SCARB1: variants seen among roughly 807,000 people sequenced by gnomAD.
The protein encoded by SCARB1 is CD36 and LIMPII analogous 1.
In SCARB1, 30 loss-of-function variants were observed where a neutral mutation model predicts 57.2. The observed-to-expected ratio is 0.52, with a 90% CI of 0.39 to 0.71. SCARB1 has a LOEUF of 0.71. Among genes scored for constraint, SCARB1 ranks in the 30% least tolerant of loss-of-function variants. SCARB1 has a pLI of 0.00. For synonymous variants in SCARB1, 249 were observed against 268.3 expected (o/e 0.93, Z 0.70); for missense variants, 543 against 671.2 (o/e 0.81, Z 2.11).
intron 1 of SCARB1, among the ~76,000 whole-genome samples, chr12:124,863,245 G>A (rs1377466804): frequency 3.9e-5 from 6 of 152,210 alleles, no homozygotes; most frequent in South Asian, 4.1e-4. Context: ...CCTTCGGGCG[G>A]CACCACGGAA....
In SCARB1 at chr12:124,810,118, G is replaced by A. The variant is rs1403233517; in HGVS notation, c.842+56C>T. 1 of 1,121,644 alleles carries A rather than the reference G, an allele frequency of 8.9e-7. No individual in the cohort carries two copies. The highest frequency in any genetic ancestry group is 1.5e-5 in the African/African-American group (1 of 65,478). The allele number at this position is 1,121,644 out of a possible 1,614,324, so 69.5% of individuals were successfully genotyped here. ...TTCCAAGTGCACAGCCAACACCACA[G>A]AATTTGGCCATGAGCTACCCAGGAA... On this transcript the variant is annotated intron_variant, in intron 6 of 12. Transcript: ENST00000261693. The surrounding 1 kb of genome is among the most constrained non-coding windows in gnomAD (Gnocchi z 4.0).
At chr12:124,859,008 A>G (rs1400624045) in intron 1 of SCARB1, among the ~76,000 whole-genome samples, 1 of 151,974 alleles carries the variant, frequency 6.6e-6, no homozygotes, top group Non-Finnish European at 1.5e-5. Flanking sequence ...TCAAGTAGCT[A>G]GGACTATAGG....
intron 1 of SCARB1, among the ~76,000 whole-genome samples, chr12:124,827,434 T>C (rs905733329): frequency 2.6e-5 from 4 of 152,140 alleles, no homozygotes; most frequent in Non-Finnish European, 5.9e-5. Context: ...ATTATTATTA[T>C]TTTAACCACC....
At chr12:124,827,509 T>G (rs185338260) in intron 1 of SCARB1, among the ~76,000 whole-genome samples, 1 of 152,126 alleles carries the variant, frequency 6.6e-6, no homozygotes, top group Non-Finnish European at 1.5e-5. Context: ...TTCCATCTTT[T>G]TGCTTTCTCC....
intron 8 of SCARB1, among the ~76,000 whole-genome samples, chr12:124,795,910 T>C (rs1385956334): frequency 6.6e-6 from 1 of 152,246 alleles, no homozygotes; most frequent in East Asian, 1.9e-4. Context: ...TTGTCTTCTT[T>C]TTTTGGAGAA....
intron 1 of SCARB1, among the ~76,000 whole-genome samples, chr12:124,843,299 G>GT (rs60376757): frequency 6.3e-5 from 9 of 143,264 alleles, no homozygotes; most frequent in African/African-American, 7.8e-5. Context: ...ATGGGGGGGG[G>GT]GGTCTTACTA....
Position 124,803,743 on chromosome 12 carries a change from G to T in SCARB1, c.1010-3501C>A, listed in dbSNP as rs370239934. ...GAAATAAGATAAAATAAATTAGCCA[G>T]GTATGGTGGTGTGTACCTGTGCTCC... On this transcript the variant is annotated intron_variant, in intron 7 of 12. Transcript: ENST00000261693. Among the ~76,000 whole-genome samples, 4 of 148,706 alleles carry T rather than the reference G, an allele frequency of 2.7e-5. No individual in the cohort carries two copies. The East Asian group carries it at 5.9e-4, about 22-fold the overall frequency.
intron 9 of SCARB1, among the ~76,000 whole-genome samples, 168 bp downstream of exon 9, chr12:124,795,027 C>G (rs1949892659): frequency 6.6e-6 from 1 of 152,120 alleles, no homozygotes; most frequent in African/African-American, 2.4e-5. Context: ...AAAACCAAGA[C>G]CCCTCAGGGA....
At chr12:124,783,134 G>C (rs533502449) in intron 11 of SCARB1, 2 of 328,518 alleles carry the variant, frequency 6.1e-6, no homozygotes, top group South Asian at 8.1e-5. Context: ...TAGCTGGGGG[G>C]CTGTTTAAAA....
At chr12:124,862,268 G>A (rs1259828775) in intron 1 of SCARB1, 1 of 152,228 alleles carries the variant, frequency 6.6e-6, no homozygotes, top group Non-Finnish European at 1.5e-5. Context: ...CAGAGACAGT[G>A]TCACCATCCA....
Position 124,782,686 on chromosome 12 carries a change from C to G in SCARB1, c.1527G>C (p.Leu509=), listed in dbSNP as rs754973473. 6.2e-6 allele frequency: 10 copies of G among 1,613,912 alleles called. No individual in the cohort carries two copies. The highest frequency in any genetic ancestry group is 1.3e-5 in the African/African-American group (1 of 74,926). ...CACGGCATTACCTGGTACCCACCTA[C>G]AGTTTTGCTTCCTGCAGCACAGAGC... ...PKGSVLQEAK[L] The change falls in exon 12 of 13, where the codon CTG becomes CTC. Residue 509 remains leucine, a synonymous_variant. Transcript: ENST00000261693.
chr12:124,837,558 G>A (rs1424506178), intron 1 of SCARB1, among the ~76,000 whole-genome samples: 14,167 of 40,010 alleles, frequency 0.35, 1,571 homozygotes, highest in African/African-American at 0.37. Context: ...GAAAAGAAAA[G>A]AAAAGAAAAG....
intron 12 of SCARB1, among the ~76,000 whole-genome samples, chr12:124,779,213 C>T (rs543744548): frequency 1.2e-4 from 18 of 152,270 alleles, no homozygotes; most frequent in African/African-American, 1.7e-4. Flanking sequence ...CCTCCCAAAG[C>T]GCTGGGATTC....
intron 11 of SCARB1, chr12:124,785,780 A>T (rs1949489840): frequency 2.4e-6 from 1 of 422,904 alleles, no homozygotes; most frequent in Non-Finnish European, 4.2e-6. Context: ...TAAGATTAAA[A>T]TTAATTCCAC....
Position 124,817,791 on chromosome 12 carries a change from A to G in SCARB1, c.127-84T>C. 6.7e-7 allele frequency: 1 copy of G among 1,485,100 alleles called. No homozygotes were observed. Among genetic ancestry groups the G allele is most frequent in the Non-Finnish European group, 9.4e-7 (1 of 1,063,486 alleles). The allele number at this position is 1,485,100 out of a possible 1,614,324, so 92.0% of individuals were successfully genotyped here. A position where few individuals can be genotyped will look rare whatever the true frequency, so the allele number is the denominator to read the frequency against. The stretch of plus-strand genomic sequence containing the variant: ...CACAAGGCTCCGGAACAGCTGCCCG[A>G]GCCCGGCCAGGGAAGGGGCTCCTCG... On this transcript the variant is annotated intron_variant, in intron 1 of 12. Coordinates refer to ENST00000261693, the MANE Select transcript of SCARB1 (RefSeq NM_005505.5). This position sits in a 1 kb window ranked among gnomAD's most constrained non-coding sequence, Gnocchi z 4.8.
intron 1 of SCARB1, among the ~76,000 whole-genome samples, chr12:124,850,998 G>A (rs1952378970): frequency 2.0e-5 from 3 of 152,092 alleles, no homozygotes; most frequent in South Asian, 4.1e-4. Flanking sequence ...ATGGGCAGGC[G>A]ACCCAAGGCT....
intron 7 of SCARB1, among the ~76,000 whole-genome samples, chr12:124,805,812 C>A (rs78013714): frequency 2.0e-5 from 3 of 147,368 alleles, no homozygotes; most frequent in Non-Finnish European, 4.4e-5. Flanking sequence ...TGAAGTGATC[C>A]TCCCACCTCG....
At chr12:124,848,116 C>A (rs538910041) in intron 1 of SCARB1, among the ~76,000 whole-genome samples, 3 of 152,364 alleles carry the variant, frequency 2.0e-5, no homozygotes, top group African/African-American at 7.2e-5. Context: ...CGGAGACTCA[C>A]TCTGTCGCCC....
chr12:124,786,604 C>G (rs979752154), intron 10 of SCARB1, 101 bp from the exon 11 acceptor site: 1 of 1,556,876 alleles, frequency 6.4e-7, no homozygotes, highest in African/African-American at 1.4e-5. Flanking sequence ...CTCAGCTTTT[C>G]CCCACCTCAA....
Sources: allele counts gnomAD v4.1 joint callset (sites outside exome capture counted in the v4.1 genomes callset), GRCh38; gene constraint gnomAD v4.1.1; non-coding constraint Gnocchi (gnomAD v3.1); transcripts MANE v1.5; gene names NCBI Gene and HGNC (gene_info 2026-07-23, HGNC 2026-07-21).